The following FER1L6 variants were observed in gnomAD, a reference collection of about 807,000 sequenced individuals.
The protein encoded by FER1L6 is fer-1 like family member 6, also known as fer-1-like protein 6.
Under a neutral mutation model 219.2 loss-of-function variants are expected in FER1L6, and 177 were observed. The ratio of observed to expected loss-of-function variants is 0.81; its 90% CI spans 0.71 to 0.91. The LOEUF (loss-of-function observed/expected upper bound fraction) is 0.91. FER1L6 is among the 40% of genes least tolerant of loss of function. The pLI is 0.00. For synonymous variants in FER1L6, 768 were observed against 824.3 expected, an observed-to-expected ratio of 0.93 and a Z score of 1.17; for missense variants, 2,153 against 2,259.9, an observed-to-expected ratio of 0.95 and a Z score of 0.96.
chr8:123,935,999 G>GAGTTCTAGAA (rs1813977406), intron 1 of FER1L6, among the ~76,000 whole-genome samples: 1 of 152,024 alleles, frequency 6.6e-6, no homozygotes, highest in Non-Finnish European at 1.5e-5. Context: ...CGTTTCCTAG[G>GAGTTCTAGAA]GTTGGGAACT....
chr8:123,970,792 G>T lies in FER1L6; in HGVS notation c.447+695G>T, dbSNP rs555337750. Among the ~76,000 whole-genome samples, 13 of 152,182 alleles carry T rather than the reference G, an allele frequency of 8.5e-5. 1 individual carries two copies. In the South Asian group the frequency reaches 1.4e-3, roughly 17 times the overall value. On this transcript the variant is annotated intron_variant, in intron 6 of 40. Coordinates refer to ENST00000522917, the MANE Select transcript of FER1L6 (RefSeq NM_001039112.2). ...ACATGGAGGACAGGAATGGGAAGGGGAAGTGCCCATGTTGAAGCCAGACTG... is the reference window on the plus strand; with the variant it reads ...ACATGGAGGACAGGAATGGGAAGGGTAAGTGCCCATGTTGAAGCCAGACTG...
chr8:124,101,763 G>A (rs1244395080), intron 38 of FER1L6, among the ~76,000 whole-genome samples: 1 of 152,192 alleles, frequency 6.6e-6, no homozygotes, highest in East Asian at 1.9e-4. Context: ...CAATTTAGAA[G>A]TTTATTTTGC....
chr8:123,950,740 C>T (rs1183613953), intron 1 of FER1L6, among the ~76,000 whole-genome samples: 1 of 152,166 alleles, frequency 6.6e-6, no homozygotes, highest in African/African-American at 2.4e-5. Flanking sequence ...AAACATCCAC[C>T]TACTATCACA....
intron 1 of FER1L6, among the ~76,000 whole-genome samples, chr8:123,864,385 G>A (rs1222187100): frequency 2.7e-5 from 4 of 149,596 alleles, no homozygotes; most frequent in African/African-American, 7.6e-5. Flanking sequence ...AGGGTAACCC[G>A]ACCTTTCTCT....
chr8:123,935,322 T>C (rs139038454), intron 1 of FER1L6, among the ~76,000 whole-genome samples: 90 of 152,348 alleles, frequency 5.9e-4, no homozygotes, highest in African/African-American at 1.9e-3. Context: ...TGTTTGGCTA[T>C]GTTCTTTTGA....
chr8:123,951,435 G>T (rs1814762108), intron 1 of FER1L6, among the ~76,000 whole-genome samples: 1 of 152,162 alleles, frequency 6.6e-6, no homozygotes, highest in Admixed American at 6.5e-5. Context: ...AGTCACATGG[G>T]TCTATATTTT....
At chr8:124,012,583 G>C (rs753887127) in intron 14 of FER1L6, among the ~76,000 whole-genome samples, 1 of 152,112 alleles carries the variant, frequency 6.6e-6, no homozygotes, top group African/African-American at 2.4e-5. Context: ...GTTGTAGGTG[G>C]GTTCTGTTAT....
intron 1 of FER1L6, among the ~76,000 whole-genome samples, chr8:123,928,565 C>T (rs1238280672): frequency 6.6e-6 from 1 of 152,188 alleles, no homozygotes; most frequent in Non-Finnish European, 1.5e-5. Context: ...GGTGGGGTTT[C>T]CCCAGGGCTA....
At chr8:124,035,204 C>T (rs927849170) in intron 18 of FER1L6, 73 bp from the exon 19 acceptor site, 4 of 1,495,496 alleles carry the variant, frequency 2.7e-6, no homozygotes, top group Non-Finnish European at 3.6e-6. Flanking sequence ...CAGGAAGGAC[C>T]TCTTTTCTCA....
At chr8:124,054,022 C>G (rs1410905164) in intron 22 of FER1L6, among the ~76,000 whole-genome samples, 1 of 152,188 alleles carries the variant, frequency 6.6e-6, no homozygotes, top group African/African-American at 2.4e-5. Flanking sequence ...ATTCAGTAAG[C>G]CTTAATTCTT....
At chr8:124,100,618 T>C (rs1051197946) in intron 37 of FER1L6, among the ~76,000 whole-genome samples, 3 of 152,146 alleles carry the variant, frequency 2.0e-5, no homozygotes, top group African/African-American at 7.2e-5. Flanking sequence ...AATTATAGTC[T>C]GATGGCATAG....
At chr8:123,875,475 CCTT>C (rs975200245) in intron 1 of FER1L6, among the ~76,000 whole-genome samples, 4 of 152,222 alleles carry the variant, frequency 2.6e-5, no homozygotes, top group South Asian at 2.1e-4. Context: ...CTCCTGTCTG[CCTT>C]CTTCTTCTTC....
chr8:124,091,666 C>T (rs1302672951), intron 34 of FER1L6, 83 bp downstream of exon 34: 2 of 1,453,532 alleles, frequency 1.4e-6, no homozygotes, highest in Non-Finnish European at 1.9e-6. Flanking sequence ...TATGGGACAT[C>T]TAATTATAAA....
At chr8:123,915,110 A>G (rs752815036) in intron 1 of FER1L6, among the ~76,000 whole-genome samples, 2 of 151,866 alleles carry the variant, frequency 1.3e-5, no homozygotes, top group African/African-American at 2.4e-5. Context: ...TGGAAAGCCA[A>G]CCCAAGCTTG....
intron 1 of FER1L6, among the ~76,000 whole-genome samples, chr8:123,903,073 T>G (rs1042867161): frequency 6.6e-6 from 1 of 152,188 alleles, no homozygotes; most frequent in Non-Finnish European, 1.5e-5. Flanking sequence ...GTAATTTGTT[T>G]TTTTTAAATG....
At chr8:123,945,602 G>T (rs1814450368) in intron 1 of FER1L6, among the ~76,000 whole-genome samples, 1 of 152,216 alleles carries the variant, frequency 6.6e-6, no homozygotes, top group Non-Finnish European at 1.5e-5. Context: ...CATGTCTGAG[G>T]TATGGATGAT....
At chr8:123,979,482 C>G (rs2130326089) in intron 10 of FER1L6, among the ~76,000 whole-genome samples, 1 of 152,252 alleles carries the variant, frequency 6.6e-6, no homozygotes, top group East Asian at 1.9e-4. Context: ...CATGACAGAG[C>G]TGAGATTTGA....
chr8:124,009,662 T>A (rs1002500567), intron 13 of FER1L6, among the ~76,000 whole-genome samples: 11 of 152,122 alleles, frequency 7.2e-5, no homozygotes, highest in Non-Finnish European at 1.0e-4. Flanking sequence ...GGGGTGGAAC[T>A]GGTGCTGCCT....
chr8:123,984,450 C>T (rs909820166), intron 11 of FER1L6: 2 of 152,154 alleles, frequency 1.3e-5, no homozygotes, highest in African/African-American at 4.8e-5. Context: ...TGCTATGTTA[C>T]CCAGGCTGGT....
Sources: gnomAD v4.1 joint callset for allele counts (sites outside exome capture counted in the v4.1 genomes callset) on GRCh38, gnomAD v4.1.1 for gene constraint, MANE v1.5 for transcripts, NCBI Gene and HGNC (gene_info 2026-07-23, HGNC 2026-07-21) for gene names.